Variants in BCR observed in about 807,000 individuals in gnomAD.
The protein encoded by BCR is breakpoint cluster region protein.
A neutral mutation model predicts 138.6 loss-of-function variants in BCR; 58 were observed. The ratio of observed to expected loss-of-function variants is 0.42; its 90% CI spans 0.34 to 0.52. BCR has a LOEUF of 0.52. Ranked by LOEUF, BCR falls within the 20% of genes least tolerant of loss-of-function variation. BCR has a pLI of 0.06. For missense variants in BCR, 1,599 were observed against 1,727.2 expected, an observed-to-expected ratio of 0.93 and a Z score of 1.32; for synonymous variants, 786 against 730.1, an observed-to-expected ratio of 1.08 and a Z score of -1.23.
chr22:23,308,630 GTACTGC>G (rs1299152659), intron 16 of BCR, among the ~76,000 whole-genome samples: 5 of 152,092 alleles, frequency 3.3e-5, no homozygotes, highest in Admixed American at 2.6e-4. Flanking sequence ...TAACAAGATG[GTACTGC>G]TCATTCACCC....
At chr22:23,212,742 G>C (rs954713658) in intron 1 of BCR, among the ~76,000 whole-genome samples, 1 of 152,230 alleles carries the variant, frequency 6.6e-6, no homozygotes, top group Non-Finnish European at 1.5e-5. Flanking sequence ...CTCCAATTCT[G>C]ATGGAGAGGG....
chr22:23,201,948 T>G (rs1342255926), intron 1 of BCR, among the ~76,000 whole-genome samples: 1 of 152,202 alleles, frequency 6.6e-6, no homozygotes, highest in Non-Finnish European at 1.5e-5. Context: ...TTGCCAACTT[T>G]TGAGATAATT....
chr22:23,280,738 TG>T, intron 8 of BCR, among the ~76,000 whole-genome samples: 1 of 152,230 alleles, frequency 6.6e-6, no homozygotes, highest in South Asian at 2.1e-4. Flanking sequence ...GTGGGGATGA[TG>T]ATTTTAGTTA....
intron 1 of BCR, among the ~76,000 whole-genome samples, chr22:23,239,263 T>C (rs1348578998): frequency 6.6e-6 from 1 of 152,164 alleles, no homozygotes; most frequent in African/African-American, 2.4e-5. Context: ...TGCAGGACAT[T>C]CAGAACGTGA....
chr22:23,212,115 TCTC>T (rs2072692384), intron 1 of BCR, among the ~76,000 whole-genome samples: 2 of 152,288 alleles, frequency 1.3e-5, no homozygotes, highest in Non-Finnish European at 1.5e-5. Context: ...CCCATGAGCT[TCTC>T]CTCTTTCCGT....
intron 1 of BCR, among the ~76,000 whole-genome samples, chr22:23,218,266 A>C (rs1008783086): frequency 1.3e-5 from 2 of 152,212 alleles, no homozygotes; most frequent in Non-Finnish European, 2.9e-5. Context: ...CATCTGGGGC[A>C]TGTGAGGATT....
intron 8 of BCR, 54 bp from the exon 9 acceptor site, chr22:23,283,923 C>G: frequency 2.0e-6 from 3 of 1,514,646 alleles, no homozygotes; most frequent in Non-Finnish European, 2.7e-6. Context: ...GGCCGAACAC[C>G]CCCCACCCAT....
rs544562770 is a variant in BCR, at chr22:23,191,576, G to T, written c.1279+9337G>T. Among the ~76,000 whole-genome samples the T allele has an allele frequency of 2.6e-5, 4 of 152,290 alleles. No individual in the cohort carries two copies. In the East Asian group the frequency reaches 5.8e-4, roughly 22 times the overall value. ...GTCTATCTGGCTTCCTTTTTAGGGT[G>T]ATGGGATCCTTAAGCACAGAGTATG... On this transcript the variant is annotated intron_variant, in intron 1 of 22. Coordinates refer to ENST00000305877, the MANE Select transcript of BCR (RefSeq NM_004327.4).
chr22:23,206,419 A>G (rs1367474453), intron 1 of BCR, among the ~76,000 whole-genome samples: 1 of 151,150 alleles, frequency 6.6e-6, no homozygotes, highest in Non-Finnish European at 1.5e-5. Context: ...CTAAAAATAC[A>G]AAAAAAAAGT....
chr22:23,268,573 C>A, intron 5 of BCR, 58 bp downstream of exon 5: 2 of 1,391,292 alleles, frequency 1.4e-6, no homozygotes, highest in Non-Finnish European at 2.0e-6. Context: ...GTACCCTCCA[C>A]CTCCCGAGGA....
Position 23,287,392 on chromosome 22 carries a change from C to G in BCR, c.2526+114C>G. 4 of 1,408,372 alleles carry G rather than the reference C, an allele frequency of 2.8e-6. 1 individual carries two copies. Among genetic ancestry groups the G allele is most frequent in the Non-Finnish European group, 3.7e-6 (4 of 1,072,550 alleles). 87.2% of individuals were successfully genotyped at this position (1,408,372 alleles called of 1,614,324 possible). A position where few individuals can be genotyped will look rare whatever the true frequency, so the allele number is the denominator to read the frequency against. ...CGCCCCACTCTGAGAGAGGCATGTC[C>G]GGCATGGTGCATGCAAGCACGCACA... On this transcript the variant is annotated intron_variant, in intron 11 of 22. Transcript: ENST00000305877.
rs781008414 is a variant in BCR at position 23,182,004 on chromosome 22, C to T, written c.1044C>T (p.Gly348=). The change falls in exon 1 of 23, where the codon GGC becomes GGT. Residue 348 remains glycine (G), a synonymous_variant. Transcript: ENST00000305877. ...CCAGCGAGGAGGACTTCTCCTCTGG[C>T]CAGTCCAGCCGCGTGTCCCCAAGCC... The part of the protein sequence containing the change: ...LTSSEEDFSS[G]QSSRVSPSPT... 6.2e-7 allele frequency: 1 copy of T among 1,613,282 alleles called. No individual in the cohort carries two copies. Among genetic ancestry groups the T allele is most frequent in the Admixed American group, 1.7e-5 (1 of 60,010 alleles).
At position 23,217,062 on chromosome 22, in the gene BCR, G is replaced by A. The variant is rs1384103563; in HGVS notation, c.1279+34823G>A. The A allele has an allele frequency of 6.7e-6, 3 of 449,558 alleles. No homozygotes were observed. The East Asian group carries it at 2.2e-4, about 33-fold the overall frequency. The allele number at this position is 449,558 out of a possible 1,614,324, so 27.8% of individuals were successfully genotyped here. On this transcript the variant is annotated intron_variant, in intron 1 of 22. Coordinates refer to ENST00000305877, the MANE Select transcript of BCR (RefSeq NM_004327.4). The stretch of plus-strand genomic sequence containing the variant: ...GACACACGGCGTGGACACAAGGCAT[G>A]ATTCTCAGGGGCTCTGGTGATTGCT...
chr22:23,283,798 C>T, intron 8 of BCR, 179 bp from the exon 9 acceptor site: 1 of 751,764 alleles, frequency 1.3e-6, no homozygotes, highest in South Asian at 2.0e-5. Flanking sequence ...GTTAGCAGGA[C>T]AGTGAGATGA....
At chr22:23,201,775 G>C (rs567210898) in intron 1 of BCR, among the ~76,000 whole-genome samples, 16 of 152,230 alleles carry the variant, frequency 1.1e-4, no homozygotes, top group African/African-American at 3.9e-4. Flanking sequence ...TTTTTGAAAA[G>C]CTCCCTGGGT....
chr22:23,283,901 C>T, intron 8 of BCR, 76 bp from the exon 9 acceptor site: 5 of 1,464,876 alleles, frequency 3.4e-6, no homozygotes, highest in Non-Finnish European at 3.6e-6. Flanking sequence ...CCTGCTCCTG[C>T]TGGGCTGGGA....
chr22:23,217,979 A>C (rs995756026), intron 1 of BCR, among the ~76,000 whole-genome samples: 8 of 152,156 alleles, frequency 5.3e-5, no homozygotes, highest in African/African-American at 1.9e-4. Context: ...CAGGCCCTGC[A>C]GGGAAGGGTT....
intron 16 of BCR, among the ~76,000 whole-genome samples, chr22:23,299,248 T>C (rs1303634708): frequency 6.6e-6 from 1 of 152,138 alleles, no homozygotes; most frequent in Non-Finnish European, 1.5e-5. Context: ...CCTCCCAAAG[T>C]GCTGGGATTA....
rs943827606 is a variant in BCR, at chr22:23,287,056, C to A, written c.2407-103C>A. On this transcript the variant is annotated intron_variant, in intron 10 of 22. Coordinates refer to ENST00000305877, the MANE Select transcript of BCR (RefSeq NM_004327.4). ...GCTGAGTGGAGAGATGGGATTCTTG[C>A]CCTCTGCAGGCTGAATGCAGCTGGT... 12 of 1,531,124 alleles carry A rather than the reference C, an allele frequency of 7.8e-6. No individual in the cohort carries two copies. The Middle Eastern group carries it at 5.1e-4, about 65-fold the overall frequency. The allele number at this position is 1,531,124 out of a possible 1,614,324, so 94.8% of individuals were successfully genotyped here.
Sources: gnomAD v4.1 joint callset for allele counts (sites outside exome capture counted in the v4.1 genomes callset) on GRCh38, gnomAD v4.1.1 for gene constraint, MANE v1.5 for transcripts, NCBI Gene and HGNC (gene_info 2026-07-23, HGNC 2026-07-21) for gene names.